The following ZNF705B variants were observed in gnomAD, a reference collection of about 807,000 sequenced individuals.
ZNF705B encodes zinc finger protein 705B.
In ZNF705B, 1 loss-of-function variant was observed where a neutral mutation model predicts 10.5. That is an observed-to-expected ratio of 0.10 (90% CI 0.03 to 0.45). ZNF705B has a LOEUF of 0.45. Ranked by LOEUF, ZNF705B falls within the 20% of genes least tolerant of loss-of-function variation. The probability of loss-of-function intolerance (pLI) is 0.97; values close to 1 mark genes in which losing one functional copy is unlikely to be tolerated. For missense variants in ZNF705B, 14 were observed against 84.0 expected (o/e 0.17, Z 3.26); for synonymous variants, 4 against 25.4 (o/e 0.16, Z 2.53).
intron 2 of ZNF705B, among the ~76,000 whole-genome samples, chr8:7,931,096 G>T (rs534451693): frequency 1.0e-4 from 12 of 120,036 alleles, no homozygotes; most frequent in African/African-American, 3.0e-4. Flanking sequence ...CGGGTGATCT[G>T]CCCCCCTCAG....
intron 1 of ZNF705B, among the ~76,000 whole-genome samples, chr8:7,927,127 G>C (rs1326177779): frequency 1.7e-5 from 2 of 117,988 alleles, no homozygotes; most frequent in African/African-American, 5.1e-5. Flanking sequence ...GTAAACTTAA[G>C]TTATGCTAAC....
chr8:7,930,209 A>T lies in ZNF705B; in HGVS notation c.-221-78A>T, dbSNP rs1448390068. 1.7e-5 allele frequency: 2 copies of T among 118,284 alleles called. 1 individual carries two copies. Among genetic ancestry groups the T allele is most frequent in the East Asian group, 4.8e-4 (2 of 4,128 alleles). The allele number at this position is 118,284 out of a possible 1,614,324, so 7.3% of individuals were successfully genotyped here. A position where few individuals can be genotyped will look rare whatever the true frequency, so the allele number is the denominator to read the frequency against. ...CATGTCTGCTCAATGCTTACCTCTT[A>T]TTTATAAGTGAGAATGTGCAATATT... is the stretch of plus-strand genomic sequence containing the variant. On this transcript the variant is annotated intron_variant, in intron 1 of 6. Coordinates refer to ENST00000400120, the MANE Select transcript of ZNF705B (RefSeq NM_001193630.1).
chr8:7,930,864 G>C (rs1333906311), intron 2 of ZNF705B, among the ~76,000 whole-genome samples: 3 of 127,960 alleles, frequency 2.3e-5, no homozygotes, highest in African/African-American at 7.5e-5. Context: ...TTTTGTTGTT[G>C]TTGTTGTTTT....
At chr8:7,934,373 GAA>G (rs1409919840) in intron 2 of ZNF705B, 2 of 1,393,202 alleles carry the variant, frequency 1.4e-6, no homozygotes, top group Non-Finnish European at 9.7e-7. Flanking sequence ...GAGGGAGAGA[GAA>G]AAAAGAGAAC....
At chr8:7,935,302 C>G (rs1156615316) in intron 2 of ZNF705B, among the ~76,000 whole-genome samples, 1 of 145,074 alleles carries the variant, frequency 6.9e-6, no homozygotes, top group Non-Finnish European at 1.5e-5. Context: ...CATTCAAGGT[C>G]TTCTTAAAGG....
chr8:7,926,467 G>T (rs1283710037), intron 1 of ZNF705B, 70 bp downstream of exon 1: 2 of 117,866 alleles, frequency 1.7e-5, no homozygotes, highest in African/African-American at 5.2e-5. Context: ...TGCTTTCAGG[G>T]TGTAAGTGTA....
chr8:7,935,284 G>C (rs1395799796), intron 2 of ZNF705B, among the ~76,000 whole-genome samples: 2 of 141,810 alleles, frequency 1.4e-5, no homozygotes, highest in African/African-American at 5.0e-5. Context: ...CATATATTAA[G>C]AGTGAAACAT....
chr8:7,932,046 T>C, intron 2 of ZNF705B, among the ~76,000 whole-genome samples: 1 of 119,386 alleles, frequency 8.4e-6, no homozygotes, highest in African/African-American at 2.5e-5. Flanking sequence ...GCTGCCTGTG[T>C]CTGGGGGCAC....
At chr8:7,927,864 C>T (rs1443561310) in intron 1 of ZNF705B, among the ~76,000 whole-genome samples, 1 of 142,662 alleles carries the variant, frequency 7.0e-6, no homozygotes, top group African/African-American at 2.5e-5. Context: ...AACAATCTAC[C>T]TTTTGGCTTC....
At chr8:7,940,815 T>C (rs1238231708) in intron 2 of ZNF705B, among the ~76,000 whole-genome samples, 1 of 133,526 alleles carries the variant, frequency 7.5e-6, no homozygotes, top group Non-Finnish European at 1.7e-5. Context: ...ATATATGTAT[T>C]AGCCATTTAT....
intron 2 of ZNF705B, among the ~76,000 whole-genome samples, chr8:7,941,068 T>G (rs1820144409): frequency 6.7e-6 from 1 of 149,454 alleles, no homozygotes; most frequent in African/African-American, 2.4e-5. Context: ...ACGTACCACA[T>G]TTTCTTTATC....
rs1317426113 is a variant in ZNF705B at position 7,932,217 on chromosome 8, T to A, written c.-72+1781T>A. On this transcript the variant is annotated intron_variant, in intron 2 of 6. Transcript: ENST00000400120. ...GGGAATATGGACCACTGGGGCTCTC[T>A]TTTTTACCTTTTCACCACACTGGAG... 3.3e-5 allele frequency among the ~76,000 whole-genome samples: 4 copies of A among 121,128 alleles called. 2 individuals carry two copies. Among genetic ancestry groups the A allele is most frequent in the Non-Finnish European group, 7.9e-5 (4 of 50,494 alleles). 79.5% of individuals were successfully genotyped at this position (121,128 alleles called of 152,430 possible). A position where few individuals can be genotyped will look rare whatever the true frequency, so the allele number is the denominator to read the frequency against.
At chr8:7,929,409 A>G (rs1239531824) in intron 1 of ZNF705B, among the ~76,000 whole-genome samples, 3 of 121,688 alleles carry the variant, frequency 2.5e-5, no homozygotes, top group African/African-American at 7.5e-5. Context: ...GAGACATGAA[A>G]TGAATGAGGA....
chr8:7,930,846 G>GTTTTTTTTTTTT (rs5889212), intron 2 of ZNF705B, among the ~76,000 whole-genome samples: 2 of 72,818 alleles, frequency 2.7e-5, no homozygotes, highest in Non-Finnish European at 7.7e-5. Context: ...TATTTTTTTT[G>GTTTTTTTTTTTT]TTTTTTTTTT....
At chr8:7,932,204 C>A (rs1239858147) in intron 2 of ZNF705B, among the ~76,000 whole-genome samples, 1 of 121,100 alleles carries the variant, frequency 8.3e-6, no homozygotes, top group African/African-American at 2.5e-5. Flanking sequence ...GAATATGGAC[C>A]ACTGGGGCTC....
chr8:7,932,011 G>A (rs1584997150), intron 2 of ZNF705B, among the ~76,000 whole-genome samples: 1 of 120,440 alleles, frequency 8.3e-6, no homozygotes, highest in Non-Finnish European at 2.0e-5. Context: ...TGGGGGCTGG[G>A]CTCTCAAATT....
At chr8:7,928,749 CAAAAA>C (rs548498381) in intron 1 of ZNF705B, among the ~76,000 whole-genome samples, 1 of 52,326 alleles carries the variant, frequency 1.9e-5, no homozygotes, top group Admixed American at 3.3e-4. Context: ...AACCAGGTAG[CAAAAA>C]AAAAAAAAAA....
rs1231493265 is a variant in ZNF705B, at chr8:7,937,178, A to G, written c.-72+6742A>G. 6.2e-4 allele frequency among the ~76,000 whole-genome samples: 73 copies of G among 117,492 alleles called. 3 individuals are homozygous for G. Among genetic ancestry groups the G allele is most frequent in the African/African-American group, 1.8e-3 (70 of 38,730 alleles). 77.1% of individuals were successfully genotyped at this position (117,492 alleles called of 152,430 possible). ...CCAAGATTACCCAGTGATCGAGTGA[A>G]GCAGATGATAGGGACAGCACTAAGG... On this transcript the variant is annotated intron_variant, in intron 2 of 6. Transcript: ENST00000400120.
At chr8:7,930,762 C>T (rs1819820018) in intron 2 of ZNF705B, among the ~76,000 whole-genome samples, 2 of 113,838 alleles carry the variant, frequency 1.8e-5, no homozygotes, top group South Asian at 6.3e-4. Flanking sequence ...ATGGCAACGA[C>T]AACACTAATA....
Sources: allele counts gnomAD v4.1 joint callset (sites outside exome capture counted in the v4.1 genomes callset), GRCh38; gene constraint gnomAD v4.1.1; transcripts MANE v1.5; gene names NCBI Gene and HGNC (gene_info 2026-07-23, HGNC 2026-07-21).